Variants in CACNA1D observed in about 807,000 individuals in gnomAD.
CACNA1D encodes the protein voltage-dependent L-type calcium channel subunit alpha-1D.
CACNA1D carries 55 observed loss-of-function variants against 257.1 expected under a neutral mutation model. The observed-to-expected ratio is 0.21, with a 90% CI of 0.17 to 0.27. The LOEUF (loss-of-function observed/expected upper bound fraction) is 0.27, where lower values mean the gene tolerates loss of function less well. CACNA1D is among the 10% of genes least tolerant of loss of function. CACNA1D has a pLI of 1.00. For missense variants in CACNA1D, 1,876 were observed against 2,784.0 expected (o/e 0.67, Z 7.34); for synonymous variants, 980 against 1,014.9 (o/e 0.97, Z 0.65).
intron 3 of CACNA1D, among the ~76,000 whole-genome samples, chr3:53,506,210 T>A (rs1302732691): frequency 6.6e-6 from 1 of 152,224 alleles, no homozygotes; most frequent in Non-Finnish European, 1.5e-5. Context: ...CTCAGACAGC[T>A]CATATGCTGC....
chr3:53,523,432 C>T (rs930155075), intron 3 of CACNA1D, among the ~76,000 whole-genome samples: 3 of 152,172 alleles, frequency 2.0e-5, no homozygotes, highest in African/African-American at 4.8e-5. Flanking sequence ...TATTATAGAC[C>T]AGAAATGAGT....
chr3:53,525,298 G>A (rs901415412), intron 3 of CACNA1D, among the ~76,000 whole-genome samples: 1 of 152,110 alleles, frequency 6.6e-6, no homozygotes, highest in Non-Finnish European at 1.5e-5. Flanking sequence ...AAAAATCCTG[G>A]TATCGTAAAT....
chr3:53,643,571 C>T (rs572113904), intron 3 of CACNA1D, among the ~76,000 whole-genome samples: 51 of 152,298 alleles, frequency 3.3e-4, no homozygotes, highest in African/African-American at 1.2e-3. Context: ...GGGGTCTCTG[C>T]GCCCTCACAG....
intron 3 of CACNA1D, among the ~76,000 whole-genome samples, chr3:53,640,945 GA>G (rs1263221383): frequency 6.6e-6 from 1 of 152,160 alleles, no homozygotes; most frequent in Non-Finnish European, 1.5e-5. Flanking sequence ...TTCAAAAGGG[GA>G]AAAATGATGC....
intron 3 of CACNA1D, among the ~76,000 whole-genome samples, chr3:53,521,820 G>C (rs1344385726): frequency 6.6e-6 from 1 of 152,070 alleles, no homozygotes; most frequent in African/African-American, 2.4e-5. Context: ...TGAAATTTAA[G>C]ATTCTCAGTC....
At chr3:53,727,479 C>T (rs1207299575) in intron 15 of CACNA1D, among the ~76,000 whole-genome samples, 10 of 152,232 alleles carry the variant, frequency 6.6e-5, no homozygotes, top group South Asian at 2.1e-4. Context: ...TCCATCTTTG[C>T]GGATCAAGTG....
At chr3:53,743,241 A>C (rs1344327154) in intron 22 of CACNA1D, 124 bp downstream of exon 22, 1 of 690,630 alleles carries the variant, frequency 1.4e-6, no homozygotes, top group African/African-American at 1.8e-5. Flanking sequence ...AGGTTTATTT[A>C]ATTTGCTCCC....
chr3:53,748,737 C>T (rs931465221), intron 26 of CACNA1D, among the ~76,000 whole-genome samples: 7 of 152,222 alleles, frequency 4.6e-5, no homozygotes, highest in African/African-American at 1.7e-4. Context: ...GAAGCCTATG[C>T]ATGGGCTGGG....
At chr3:53,683,687 A>G (rs1405570761) in intron 8 of CACNA1D, among the ~76,000 whole-genome samples, 2 of 150,342 alleles carry the variant, frequency 1.3e-5, no homozygotes, top group Non-Finnish European at 3.0e-5. Context: ...AAAGATGGAC[A>G]TAATAAAAGA....
At chr3:53,581,293 GA>G (rs1427796785) in intron 3 of CACNA1D, among the ~76,000 whole-genome samples, 1 of 152,142 alleles carries the variant, frequency 6.6e-6, no homozygotes, top group Non-Finnish European at 1.5e-5. Flanking sequence ...CCTAAATAAA[GA>G]AATACATTGT....
At chr3:53,724,983 T>C (rs2094920232) in intron 14 of CACNA1D, among the ~76,000 whole-genome samples, 1 of 145,016 alleles carries the variant, frequency 6.9e-6, no homozygotes, top group Non-Finnish European at 1.5e-5. Flanking sequence ...AAAAAAAAAT[T>C]TCTTTCAGAG....
intron 43 of CACNA1D, 75 bp downstream of exon 43, chr3:53,802,248 G>T: frequency 8.7e-7 from 1 of 1,155,704 alleles, no homozygotes. Flanking sequence ...GAGTGCTGAA[G>T]AATGAGAAAC....
chr3:53,605,877 C>T (rs570790954), intron 3 of CACNA1D, among the ~76,000 whole-genome samples: 2 of 152,292 alleles, frequency 1.3e-5, no homozygotes, highest in East Asian at 3.9e-4. Context: ...CCCTGGGTCC[C>T]AGGACCAAGC....
intron 8 of CACNA1D, among the ~76,000 whole-genome samples, chr3:53,678,776 A>G (rs2094400263): frequency 6.6e-6 from 1 of 152,158 alleles, no homozygotes; most frequent in South Asian, 2.1e-4. Context: ...AGAATTTTAC[A>G]TAGTGGAATC....
intron 39 of CACNA1D, among the ~76,000 whole-genome samples, chr3:53,784,437 T>A (rs1159513764): frequency 1.3e-5 from 2 of 152,188 alleles, no homozygotes; most frequent in Non-Finnish European, 2.9e-5. Flanking sequence ...AGCTTTGACT[T>A]TTCTTGTTCT....
At chr3:53,718,230 T>C (rs2108681465) in intron 9 of CACNA1D, 71 bp from the exon 10 acceptor site, 1 of 1,344,988 alleles carries the variant, frequency 7.4e-7, no homozygotes. Flanking sequence ...TGGCAGAGGC[T>C]CCCACCTGGC....
At chr3:53,612,260 T>G (rs1300349944) in intron 3 of CACNA1D, among the ~76,000 whole-genome samples, 1 of 152,224 alleles carries the variant, frequency 6.6e-6, no homozygotes, top group Non-Finnish European at 1.5e-5. Flanking sequence ...CTAGTAATTT[T>G]TGATTGAATG....
chr3:53,682,152 C>T (rs1394622075), intron 8 of CACNA1D, among the ~76,000 whole-genome samples: 1 of 151,968 alleles, frequency 6.6e-6, no homozygotes, highest in African/African-American at 2.4e-5. Context: ...GCTGTATTCT[C>T]ATATCCTCAA....
chr3:53,778,989 C>T (rs760716044), intron 37 of CACNA1D, among the ~76,000 whole-genome samples: 8 of 152,186 alleles, frequency 5.3e-5, no homozygotes, highest in Non-Finnish European at 1.0e-4. Flanking sequence ...TCCTTTAACC[C>T]TCACAACAGC....
Sources: gnomAD v4.1 joint callset for allele counts (sites outside exome capture counted in the v4.1 genomes callset) on GRCh38, gnomAD v4.1.1 for gene constraint, MANE v1.5 for transcripts, NCBI Gene and HGNC (gene_info 2026-07-23, HGNC 2026-07-21) for gene names.